The following FBF1 variants were observed in gnomAD, a reference collection of about 807,000 sequenced individuals.
FBF1 encodes the protein Fas binding factor 1, also known as fas-binding factor 1.
FBF1 carries 119 observed loss-of-function variants against 147.2 expected under a neutral mutation model. The observed-to-expected ratio is 0.81, with a 90% CI of 0.70 to 0.94. The LOEUF (loss-of-function observed/expected upper bound fraction) is 0.94, where lower values mean the gene tolerates loss of function less well. Among genes scored for constraint, FBF1 ranks in the 40% least tolerant of loss-of-function variants. The pLI is 0.00. For synonymous variants in FBF1, 601 were observed against 609.0 expected (o/e 0.99, Z 0.19); for missense variants, 1,449 against 1,500.8 (o/e 0.97, Z 0.57).
Position 75,923,479 on chromosome 17 carries a change from C to A in FBF1, c.1131G>T (p.Glu377Asp). The A allele has an allele frequency of 1.9e-6, 3 of 1,608,644 alleles. No homozygotes were observed. Among genetic ancestry groups the A allele is most frequent in the African/African-American group, 1.3e-5 (1 of 74,988 alleles). Residue 377 changes from glutamate (E) to aspartate (D), a missense_variant, in exon 14 of 30, where the codon GAG (glutamate) becomes GAT (aspartate). By Grantham distance (45) the Glu-to-Asp change is conservative (BLOSUM62 2). Coordinates refer to ENST00000636174, the MANE Select transcript of FBF1 (RefSeq NM_001319193.2). The surrounding 1 kb of genome is among the most constrained non-coding windows in gnomAD (Gnocchi z 4.1). Reference protein sequence around the residue: ...LDLFPASPTREAHRESSVPVT... With the variant: ...LDLFPASPTRDAHRESSVPVT... Reference sequence around the variant, plus strand: ...CAGGCACTGAACTTTCCCGATGGGCCTCTCTGGTGGGTGAGGCAGGGAACA... The same window carrying A: ...CAGGCACTGAACTTTCCCGATGGGCATCTCTGGTGGGTGAGGCAGGGAACA...
chr17:75,922,060 G>T lies in FBF1; in HGVS notation c.1425-14C>A. ...GTGAGAGGTTGGCTGAGGAAAGGCA[G>T]CGTTCAAGGTGAAGGTGACAGAAGG... On this transcript the variant is annotated splice_polypyrimidine_tract_variant and intron_variant, in intron 14 of 29. Transcript: ENST00000636174. This position sits in a 1 kb window ranked among gnomAD's most constrained non-coding sequence, Gnocchi z 5.0. 1 of 1,551,116 alleles carries T rather than the reference G, an allele frequency of 6.4e-7. No individual in the cohort carries two copies. The highest frequency in any genetic ancestry group is 8.7e-7 in the Non-Finnish European group (1 of 1,146,380).
chr17:75,926,141 A>T lies in FBF1; in HGVS notation c.757T>A (p.Ser253Thr), dbSNP rs1229562047. 1.2e-6 allele frequency: 2 copies of T among 1,610,012 alleles called. No individual in the cohort carries two copies. The highest frequency in any genetic ancestry group is 1.3e-5 in the African/African-American group (1 of 75,024). ...CGACCCAGCAGCTCATCCAGCGTGG[A>T]GCGAGCAGGGCGAGGCCCTTCCCTG... ...GDQEGPRPAR[S>T]TLDELLGRGM... Residue 253 changes from serine (S) to threonine (T), a missense_variant, in exon 12 of 30, where the codon TCC becomes ACC. Transcript: ENST00000636174.
At chr17:75,940,415 G>A (rs138365411) in intron 1 of FBF1, among the ~76,000 whole-genome samples, 1 of 152,188 alleles carries the variant, frequency 6.6e-6, no homozygotes, top group African/African-American at 2.4e-5. Context: ...ACCATGTGCG[G>A]CAAATTTTAA....
chr17:75,939,145 A>T (rs2065643925), intron 1 of FBF1, among the ~76,000 whole-genome samples: 1 of 151,670 alleles, frequency 6.6e-6, no homozygotes, highest in Admixed American at 6.6e-5. Flanking sequence ...AAAATACAAA[A>T]ATTAGCTGGG....
chr17:75,912,172 C>T lies in FBF1; in HGVS notation c.3363+20G>A. 2 of 1,588,696 alleles carry T rather than the reference C, an allele frequency of 1.3e-6. No individual in the cohort carries two copies. The highest frequency in any genetic ancestry group is 1.7e-6 in the Non-Finnish European group (2 of 1,167,710). The stretch of plus-strand genomic sequence containing the variant: ...AAGGACTCGTGAACACAAGGATCCC[C>T]AAGGCCAGGAGAGACTCACCTGCTC... On this transcript the variant is annotated intron_variant, in intron 29 of 29. Coordinates refer to ENST00000636174, the MANE Select transcript of FBF1 (RefSeq NM_001319193.2).
chr17:75,937,871 C>T (rs1033497664), intron 2 of FBF1: 1 of 626,722 alleles, frequency 1.6e-6, no homozygotes, highest in Non-Finnish European at 2.8e-6. Context: ...GCCGAGATGT[C>T]ATGTGACCGG....
rs1275064649 is a variant in FBF1, at chr17:75,919,858, G to A, written c.1948C>T (p.Leu650=). Residue 650 remains leucine, a synonymous_variant, in exon 20 of 30, where the codon CTA becomes TTA. Transcript: ENST00000636174. This position sits in a 1 kb window ranked among gnomAD's most constrained non-coding sequence, Gnocchi z 5.0. ...TCCCGTTGCTGGTACGATGTTTCTA[G>A]CACCTTGATGCGGCTTCTGCCAACA... ...ESAHRSRIKV[L]ETSYQQREER... The A allele has an allele frequency of 1.9e-6, 3 of 1,613,652 alleles. No homozygotes were observed. The highest frequency in any genetic ancestry group is 2.5e-6 in the Non-Finnish European group (3 of 1,179,898).
In FBF1 at chr17:75,914,065, C is replaced by A. The variant is rs2065472866; in HGVS notation, c.2992-15G>T. On this transcript the variant is annotated splice_polypyrimidine_tract_variant and intron_variant, in intron 26 of 29. Transcript: ENST00000636174. ...TCGGAGGCCACCTGCAGGGAGGCCG[C>A]CTGGGTCAGGGCTGCCTGGGCTCAG... is the stretch of plus-strand genomic sequence containing the variant. The A allele has an allele frequency of 6.3e-7, 1 of 1,592,332 alleles. No homozygotes were observed. The highest frequency in any genetic ancestry group is 1.7e-5 in the Admixed American group (1 of 58,912).
In FBF1 at chr17:75,935,689, G is replaced by C; in HGVS notation, c.32-16C>G. On this transcript the variant is annotated splice_polypyrimidine_tract_variant and intron_variant, in intron 3 of 29. Coordinates refer to ENST00000636174, the MANE Select transcript of FBF1 (RefSeq NM_001319193.2). ...TCAATGGAGCCTGGAACAGAAAAGG[G>C]ACTGTCATGACTTCAGGAGGAAAGA... 1 of 1,535,844 alleles carries C rather than the reference G, an allele frequency of 6.5e-7. No individual in the cohort carries two copies. Among genetic ancestry groups the C allele is most frequent in the South Asian group, 1.2e-5 (1 of 83,864 alleles).
rs1043777375 is a variant in FBF1, at chr17:75,940,847, C to T, written c.-84+1G>A. On this transcript the variant is annotated splice_donor_variant, in intron 1 of 29. Coordinates refer to ENST00000636174, the MANE Select transcript of FBF1 (RefSeq NM_001319193.2). LOFTEE classifies it low-confidence loss of function (5UTR_SPLICE). ...AGACTCCGCGCCCCTCAATGCGTCA[C>T]CCTTCTGAGCGCCCGGCCTATCTGG... 6.5e-6 allele frequency: 1 copy of T among 153,890 alleles called. No homozygotes were observed. Among genetic ancestry groups the T allele is most frequent in the African/African-American group, 2.4e-5 (1 of 41,464 alleles). 9.5% of individuals were successfully genotyped at this position (153,890 alleles called of 1,614,324 possible).
chr17:75,929,944 G>GACCC, intron 7 of FBF1, 53 bp downstream of exon 7: 2 of 685,842 alleles, frequency 2.9e-6, no homozygotes, highest in Non-Finnish European at 5.3e-6. Context: ...AAAATATCAT[G>GACCC]ACCCCACCCC....
Position 75,915,035 on chromosome 17 carries a change from C to T in FBF1, c.2610G>A (p.Ala870=). ...GACTCACCTTGGCCCGTTCCAGCTC[C>T]GCCCTTTCCATGGCCATCTGCTGGG... ...VTAQQMAMER[A]ELERAKSALL... is the part of the protein sequence containing the mutation. Residue 870 remains alanine (A), a synonymous_variant, in exon 24 of 30, where the codon GCG becomes GCA. Coordinates refer to ENST00000636174, the MANE Select transcript of FBF1 (RefSeq NM_001319193.2). 1.2e-6 allele frequency: 2 copies of T among 1,613,570 alleles called. No homozygotes were observed. The highest frequency in any genetic ancestry group is 1.7e-6 in the Non-Finnish European group (2 of 1,179,868).
intron 23 of FBF1, among the ~76,000 whole-genome samples, chr17:75,915,623 ATC>A (rs1179018973): frequency 6.6e-6 from 1 of 152,242 alleles, no homozygotes; most frequent in Non-Finnish European, 1.5e-5. Context: ...ACATAAAAGC[ATC>A]TCTATCTACG....
In FBF1 at chr17:75,922,039, G is replaced by A. The variant is rs2065531250; in HGVS notation, c.1432C>T (p.Leu478Phe). ...AGHPPSGSQP[L>F]TSTQGLEHAA... is the part of the protein sequence containing the mutation. Reference sequence around the variant, plus strand: ...TGCTCAAGCCCTTGTGTGCTGGTGAGAGGTTGGCTGAGGAAAGGCAGCGTT... The same window carrying A: ...TGCTCAAGCCCTTGTGTGCTGGTGAAAGGTTGGCTGAGGAAAGGCAGCGTT... Residue 478 changes from leucine to phenylalanine, a missense_variant, in exon 15 of 30, where the codon CTC (leucine) becomes TTC (phenylalanine). By Grantham distance (22) the Leu-to-Phe change is conservative. Transcript: ENST00000636174. The surrounding 1 kb of genome is among the most constrained non-coding windows in gnomAD (Gnocchi z 5.0). The A allele has an allele frequency of 6.4e-7, 1 of 1,551,830 alleles. No individual in the cohort carries two copies. The highest frequency in any genetic ancestry group is 1.4e-5 in the African/African-American group (1 of 73,036).
In FBF1 at chr17:75,921,936, C is replaced by G. The variant is rs1296762659; in HGVS notation, c.1526+9G>C. On this transcript the variant is annotated intron_variant, in intron 15 of 29. Transcript: ENST00000636174. Reference sequence around the variant, plus strand: ...TCTCATTCCCACTCAGCCCGCAGCCCAGGCCTACCCCGAGACACCAGGCCT... The same window carrying G: ...TCTCATTCCCACTCAGCCCGCAGCCGAGGCCTACCCCGAGACACCAGGCCT... 6.5e-7 allele frequency: 1 copy of G among 1,549,836 alleles called. No individual in the cohort carries two copies. Among genetic ancestry groups the G allele is most frequent in the Middle Eastern group, 1.9e-4 (1 of 5,270 alleles).
At chr17:75,912,983 T>C (rs2065464517) in intron 28 of FBF1, among the ~76,000 whole-genome samples, 1 of 151,222 alleles carries the variant, frequency 6.6e-6, no homozygotes, top group Non-Finnish European at 1.5e-5. Flanking sequence ...GAGGTTGCAC[T>C]AAGCCGAGAT....
chr17:75,921,676 G>A (rs1333523364), intron 15 of FBF1, 116 bp from the exon 16 acceptor site: 10 of 636,064 alleles, frequency 1.6e-5, no homozygotes, highest in African/African-American at 3.9e-5. Flanking sequence ...CAGCCTCTAC[G>A]TGGGACACGG....
chr17:75,937,806 T>C, intron 2 of FBF1: 1 of 651,796 alleles, frequency 1.5e-6, no homozygotes, highest in Admixed American at 2.5e-5. Flanking sequence ...CAGCGATGGG[T>C]GCCAATGGGC....
rs1652566000 is a variant in FBF1, at chr17:75,930,002, T to C, written c.274A>G (p.Met92Val). Reference protein sequence around the residue: ...EADPQALLQAMKDLDGMDADI... With the variant: ...EADPQALLQAVKDLDGMDADI... ...CGTGCAAGCTGTTTCCTTACCTTCA[T>C]GGCCTGGAGCAGAGCCTGTGGGTCT... The change falls in exon 7 of 30, where the codon ATG (methionine) becomes GTG (valine). Residue 92 changes from methionine (M) to valine (V), a missense_variant. Coordinates refer to ENST00000636174, the MANE Select transcript of FBF1 (RefSeq NM_001319193.2). 2 of 1,303,126 alleles carry C rather than the reference T, an allele frequency of 1.5e-6. No homozygotes were observed. The highest frequency in any genetic ancestry group is 2.0e-6 in the Non-Finnish European group (2 of 994,714). The allele number at this position is 1,303,126 out of a possible 1,614,324, so 80.7% of individuals were successfully genotyped here.
Sources: gnomAD v4.1 joint callset for allele counts (sites outside exome capture counted in the v4.1 genomes callset) on GRCh38, gnomAD v4.1.1 for gene constraint, Gnocchi (gnomAD v3.1) non-coding constraint, MANE v1.5 for transcripts, NCBI Gene and HGNC (gene_info 2026-07-23, HGNC 2026-07-21) for gene names.